TOX: variants seen among roughly 807,000 people sequenced by gnomAD.
The protein encoded by TOX is thymocyte selection-associated high mobility group box protein TOX.
TOX carries 11 observed loss-of-function variants against 53.7 expected under a neutral mutation model. That is an observed-to-expected ratio of 0.20 (90% CI 0.13 to 0.34). The LOEUF is 0.34. Ranked by LOEUF, TOX falls within the 10% of genes least tolerant of loss-of-function variation. TOX has a pLI of 1.00. For missense variants in TOX, 570 were observed against 664.6 expected (o/e 0.86, Z 1.56); for synonymous variants, 225 against 245.3 (o/e 0.92, Z 0.77).
At chr8:59,054,689 A>T (rs1438587280) in intron 1 of TOX, among the ~76,000 whole-genome samples, 1 of 152,076 alleles carries the variant, frequency 6.6e-6, no homozygotes, top group Non-Finnish European at 1.5e-5. Flanking sequence ...GCCACAAACC[A>T]AATACATTCC....
At chr8:58,915,052 C>A (rs1195282194) in intron 3 of TOX, among the ~76,000 whole-genome samples, 3 of 148,752 alleles carry the variant, frequency 2.0e-5, no homozygotes, top group African/African-American at 7.4e-5. Flanking sequence ...GAGGGTCCTA[C>A]GCCCACGGAA....
chr8:58,995,018 C>G (rs1324528995), intron 1 of TOX, among the ~76,000 whole-genome samples: 2 of 152,186 alleles, frequency 1.3e-5, no homozygotes, highest in Non-Finnish European at 2.9e-5. Flanking sequence ...CAGCAGTCTG[C>G]CCTATTAGAC....
intron 3 of TOX, among the ~76,000 whole-genome samples, chr8:58,891,855 C>T (rs1205714366): frequency 6.6e-6 from 1 of 152,124 alleles, no homozygotes; most frequent in Non-Finnish European, 1.5e-5. Flanking sequence ...CGTGGCAGAG[C>T]CTGGGCTCTG....
intron 3 of TOX, among the ~76,000 whole-genome samples, chr8:58,913,668 C>T (rs1247642557): frequency 1.3e-5 from 2 of 151,612 alleles, no homozygotes; most frequent in Admixed American, 1.3e-4. Flanking sequence ...TATTTTTTTA[C>T]AGGAGTAGCA....
chr8:59,111,172 T>C (rs1327038916), intron 1 of TOX, among the ~76,000 whole-genome samples: 1 of 152,156 alleles, frequency 6.6e-6, no homozygotes, highest in East Asian at 1.9e-4. Context: ...CATCCTCTTA[T>C]GGTTAGGTTT....
At chr8:58,881,355 C>A (rs904211071) in intron 3 of TOX, among the ~76,000 whole-genome samples, 7 of 151,842 alleles carry the variant, frequency 4.6e-5, no homozygotes, top group African/African-American at 1.7e-4. Context: ...GGATTTTTCT[C>A]ATTTTTGTGA....
At chr8:59,072,827 C>T (rs1011459019) in intron 1 of TOX, among the ~76,000 whole-genome samples, 5 of 152,058 alleles carry the variant, frequency 3.3e-5, no homozygotes, top group Admixed American at 6.6e-5. Context: ...ATATAAGATA[C>T]GGTTGTAATT....
At chr8:59,112,853 C>A (rs1042583211) in intron 1 of TOX, among the ~76,000 whole-genome samples, 2 of 152,088 alleles carry the variant, frequency 1.3e-5, no homozygotes, top group Non-Finnish European at 2.9e-5. Context: ...TTTGGATGTA[C>A]ACAATATGTT....
chr8:58,956,316 A>G (rs1362996239), intron 2 of TOX, among the ~76,000 whole-genome samples: 1 of 152,176 alleles, frequency 6.6e-6, no homozygotes, highest in Non-Finnish European at 1.5e-5. Context: ...TAGCATGCGT[A>G]TCTGAGTGGG....
intron 3 of TOX, among the ~76,000 whole-genome samples, chr8:58,879,538 C>G (rs569335559): frequency 1.7e-5 from 2 of 120,732 alleles, no homozygotes; most frequent in African/African-American, 7.6e-5. Context: ...TTAGTTATTA[C>G]GTCAAACAAA....
chr8:58,807,530 A>G lies in TOX; in HGVS notation c.*217T>C, dbSNP rs1810000171. 4.0e-6 allele frequency: 2 copies of G among 501,676 alleles called. No individual in the cohort carries two copies. Among genetic ancestry groups the G allele is most frequent in the Non-Finnish European group, 7.0e-6 (2 of 285,448 alleles). 31.1% of individuals were successfully genotyped at this position (501,676 alleles called of 1,614,324 possible). ...AATCTGAATGGTCCAAATTTCCTTCAGGGAAGAAGAAAAACAATGTCCATA... is the reference window on the plus strand; with the variant it reads ...AATCTGAATGGTCCAAATTTCCTTCGGGGAAGAAGAAAAACAATGTCCATA... On this transcript the variant is annotated 3_prime_UTR_variant, in exon 9 of 9. Transcript: ENST00000361421.
At chr8:58,997,563 A>G (rs1416439932) in intron 1 of TOX, among the ~76,000 whole-genome samples, 6 of 152,128 alleles carry the variant, frequency 3.9e-5, no homozygotes, top group Admixed American at 1.3e-4. Context: ...CAGTGTCACT[A>G]AGTTAGTTAT....
At position 59,118,264 on chromosome 8, in the gene TOX, C is replaced by T. The variant is rs1805143781; in HGVS notation, c.102+622G>A. 6.6e-6 allele frequency among the ~76,000 whole-genome samples: 1 copy of T among 152,274 alleles called. No individual in the cohort carries two copies. Among genetic ancestry groups the T allele is most frequent in the African/African-American group, 2.4e-5 (1 of 41,480 alleles). The stretch of plus-strand genomic sequence containing the variant: ...CCTTAAACAGGAACTGTTCCCCAAA[C>T]CTTGACCCAGCTACCCCGCTGTGCT... On this transcript the variant is annotated intron_variant, in intron 1 of 8. Transcript: ENST00000361421. This position sits in a 1 kb window ranked among gnomAD's most constrained non-coding sequence, Gnocchi z 4.1.
At chr8:59,099,063 G>A (rs1159396076) in intron 1 of TOX, among the ~76,000 whole-genome samples, 3 of 152,138 alleles carry the variant, frequency 2.0e-5, no homozygotes, top group Non-Finnish European at 4.4e-5. Context: ...ATGCCATGGT[G>A]CCTTAAAAGA....
chr8:58,820,415 G>C (rs918023709), intron 6 of TOX, among the ~76,000 whole-genome samples: 1 of 152,054 alleles, frequency 6.6e-6, no homozygotes, highest in Admixed American at 6.6e-5. Flanking sequence ...TAATAAACCA[G>C]AACATAGTTA....
At chr8:58,897,348 G>T (rs1811668013) in intron 3 of TOX, among the ~76,000 whole-genome samples, 1 of 152,036 alleles carries the variant, frequency 6.6e-6, no homozygotes, top group Non-Finnish European at 1.5e-5. Context: ...TAGAATTCCT[G>T]GATACTACAA....
intron 5 of TOX, among the ~76,000 whole-genome samples, chr8:58,836,333 A>C (rs1480695268): frequency 6.6e-6 from 1 of 152,214 alleles, no homozygotes; most frequent in Non-Finnish European, 1.5e-5. Context: ...CAGGTTTGGC[A>C]GGGTGAGAGC....
intron 3 of TOX, among the ~76,000 whole-genome samples, chr8:58,908,304 A>G (rs1053134563): frequency 6.6e-6 from 1 of 152,216 alleles, no homozygotes; most frequent in African/African-American, 2.4e-5. Flanking sequence ...CAGCCCACAC[A>G]ATCTAAACAA....
chr8:58,882,464 T>C lies in TOX; in HGVS notation c.412-30659A>G, dbSNP rs571319971. On this transcript the variant is annotated intron_variant, in intron 3 of 8. Transcript: ENST00000361421. ...TTTCTTAGCTGTTTCTGCAATTTCA[T>C]AGTAGCTCTGGTTTACTTAAGAGAA... is the stretch of plus-strand genomic sequence containing the variant. 2.0e-5 allele frequency among the ~76,000 whole-genome samples: 3 copies of C among 152,338 alleles called. No homozygotes were observed. The South Asian group carries it at 6.2e-4, about 32-fold the overall frequency.
Sources: gnomAD v4.1 joint callset for allele counts (sites outside exome capture counted in the v4.1 genomes callset) on GRCh38, gnomAD v4.1.1 for gene constraint, Gnocchi (gnomAD v3.1) non-coding constraint, MANE v1.5 for transcripts, NCBI Gene and HGNC (gene_info 2026-07-23, HGNC 2026-07-21) for gene names.